The following HPSE2 variants were observed in gnomAD, a reference collection of about 807,000 sequenced individuals.
HPSE2 encodes the protein heparanase 2 (inactive).
Under a neutral mutation model 60.5 loss-of-function variants are expected in HPSE2, and 38 were observed. That is an observed-to-expected ratio of 0.63 (90% CI 0.48 to 0.82). The LOEUF (loss-of-function observed/expected upper bound fraction) is 0.82. HPSE2 is among the 40% of genes least tolerant of loss of function. The pLI is 0.00. For synonymous variants in HPSE2, 295 were observed against 293.2 expected (o/e 1.01, Z -0.06); for missense variants, 713 against 740.4 (o/e 0.96, Z 0.43).
intron 9 of HPSE2, among the ~76,000 whole-genome samples, chr10:98,606,379 T>C (rs1029338228): frequency 6.6e-6 from 1 of 152,236 alleles, no homozygotes; most frequent in African/African-American, 2.4e-5. Context: ...TATCAACACC[T>C]GGGATCCTCT....
chr10:99,193,759 C>G (rs1265742067), intron 2 of HPSE2, among the ~76,000 whole-genome samples: 1 of 151,968 alleles, frequency 6.6e-6, no homozygotes, highest in Non-Finnish European at 1.5e-5. Context: ...ATATAGGCAC[C>G]TAACACTGGA....
chr10:98,465,647 T>C (rs910820970), intron 11 of HPSE2, among the ~76,000 whole-genome samples: 9 of 152,352 alleles, frequency 5.9e-5, no homozygotes, highest in African/African-American at 2.2e-4. Context: ...TTTCATGTTG[T>C]TTCTCCAATT....
At chr10:99,298,559 G>C in the HPSE2 span, among the ~76,000 whole-genome samples, 6 of 152,040 alleles carry the variant, frequency 3.9e-5, no homozygotes, top group African/African-American at 1.4e-4. Context: ...ATAAAAATTA[G>C]CAAATCAACA....
chr10:98,819,644 A>T (rs889933177), intron 3 of HPSE2, among the ~76,000 whole-genome samples: 3 of 152,146 alleles, frequency 2.0e-5, no homozygotes, highest in Admixed American at 2.0e-4. Flanking sequence ...TGACAGTTTA[A>T]TTCTTTTTAA....
Position 99,015,114 on chromosome 10 carries a change from T to G in HPSE2, c.610+129124A>C, listed in dbSNP as rs562291187. On this transcript the variant is annotated intron_variant, in intron 3 of 11. Coordinates refer to ENST00000370552, the MANE Select transcript of HPSE2 (RefSeq NM_021828.5). ...AGAGAAATGCAAATCAAAACCACAATGAGATACCATCTCACACCAGTTAGA... is the reference window on the plus strand; with the variant it reads ...AGAGAAATGCAAATCAAAACCACAAGGAGATACCATCTCACACCAGTTAGA... Among the ~76,000 whole-genome samples the G allele has an allele frequency of 1.8e-3, 275 of 152,004 alleles. 1 individual carries two copies. Among genetic ancestry groups the G allele is most frequent in the African/African-American group, 6.0e-3 (250 of 41,438 alleles).
intron 9 of HPSE2, among the ~76,000 whole-genome samples, chr10:98,534,223 C>T (rs1943213383): frequency 6.6e-6 from 1 of 152,138 alleles, no homozygotes; most frequent in South Asian, 2.1e-4. Context: ...TCTTAAAGTT[C>T]CTTCCCACTT....
intron 3 of HPSE2, among the ~76,000 whole-genome samples, chr10:99,015,022 C>T (rs1208671481): frequency 3.3e-5 from 5 of 152,188 alleles, no homozygotes; most frequent in Non-Finnish European, 7.3e-5. Flanking sequence ...TGAACAGATG[C>T]TTCTCAAAAG....
intron 4 of HPSE2, among the ~76,000 whole-genome samples, chr10:98,737,430 G>GTT (rs1949386159): frequency 7.2e-6 from 1 of 138,200 alleles, no homozygotes; most frequent in Non-Finnish European, 1.6e-5. Context: ...TGGTTAGACA[G>GTT]TGGGTGCAGC....
chr10:98,738,242 T>C (rs971291028), intron 4 of HPSE2, among the ~76,000 whole-genome samples: 1 of 152,234 alleles, frequency 6.6e-6, no homozygotes, highest in African/African-American at 2.4e-5. Flanking sequence ...AAGGATTCCC[T>C]ATTTAATAAA....
chr10:98,725,238 A>G (rs1949040738), intron 4 of HPSE2, among the ~76,000 whole-genome samples: 1 of 152,182 alleles, frequency 6.6e-6, no homozygotes, highest in South Asian at 2.1e-4. Flanking sequence ...ACTTCAAACT[A>G]TACTACTAGG....
chr10:98,465,814 T>C (rs1234268507), intron 11 of HPSE2, among the ~76,000 whole-genome samples: 1 of 152,268 alleles, frequency 6.6e-6, no homozygotes, highest in African/African-American at 2.4e-5. Context: ...TTCCCTAGCT[T>C]GCCTGAACTG....
At chr10:99,138,199 T>G (rs1417255280) in intron 3 of HPSE2, among the ~76,000 whole-genome samples, 4 of 152,186 alleles carry the variant, frequency 2.6e-5, no homozygotes, top group Non-Finnish European at 1.5e-5. Context: ...GGATACCATC[T>G]CACGCCAGTT....
intron 3 of HPSE2, among the ~76,000 whole-genome samples, chr10:98,966,020 A>G (rs1032201566): frequency 3.3e-5 from 5 of 152,018 alleles, no homozygotes; most frequent in Non-Finnish European, 5.9e-5. Flanking sequence ...CCTCCTGAGT[A>G]GCTGGGGTTA....
intron 6 of HPSE2, among the ~76,000 whole-genome samples, chr10:98,689,759 C>T (rs1948026130): frequency 6.6e-6 from 1 of 152,140 alleles, no homozygotes; most frequent in Admixed American, 6.5e-5. Flanking sequence ...GACTGATCTT[C>T]TTGTTCTTGT....
intron 10 of HPSE2, 89 bp from the exon 11 acceptor site, chr10:98,482,871 G>A: frequency 7.2e-7 from 1 of 1,395,594 alleles, no homozygotes. Flanking sequence ...TACAAAATAT[G>A]AACAGCCCTG....
chr10:98,630,483 C>G (rs1946339337), intron 7 of HPSE2, among the ~76,000 whole-genome samples: 1 of 152,134 alleles, frequency 6.6e-6, no homozygotes, highest in African/African-American at 2.4e-5. Context: ...AGGCGTGAGC[C>G]ACCACGCCCG....
chr10:98,814,266 A>G (rs1951235054), intron 3 of HPSE2, among the ~76,000 whole-genome samples: 1 of 152,162 alleles, frequency 6.6e-6, no homozygotes, highest in Non-Finnish European at 1.5e-5. Flanking sequence ...TGACTAATAT[A>G]TTGAAATATA....
intron 3 of HPSE2, among the ~76,000 whole-genome samples, chr10:98,904,174 G>A (rs1953744703): frequency 6.6e-6 from 1 of 152,074 alleles, no homozygotes; most frequent in Non-Finnish European, 1.5e-5. Context: ...AAATTAGTGA[G>A]AATAGAGTTA....
chr10:99,232,642 A>C lies in HPSE2; in HGVS notation c.291-137T>G, dbSNP rs1032545111. On this transcript the variant is annotated intron_variant, in intron 1 of 11. Coordinates refer to ENST00000370552, the MANE Select transcript of HPSE2 (RefSeq NM_021828.5). Reference sequence around the variant, plus strand: ...AGGCTCTGTGCCTGCCCCAGCCGGCAGTCCACGCTGGCCCTTGGCCGCTGC... The same window carrying C: ...AGGCTCTGTGCCTGCCCCAGCCGGCCGTCCACGCTGGCCCTTGGCCGCTGC... The C allele has an allele frequency of 3.9e-6, 4 of 1,017,868 alleles. No homozygotes were observed. In the African/African-American group the frequency reaches 4.8e-5, roughly 12 times the overall value. The allele number at this position is 1,017,868 out of a possible 1,614,324, so 63.1% of individuals were successfully genotyped here.
Sources: allele counts gnomAD v4.1 joint callset (sites outside exome capture counted in the v4.1 genomes callset), GRCh38; gene constraint gnomAD v4.1.1; transcripts MANE v1.5; gene names NCBI Gene and HGNC (gene_info 2026-07-23, HGNC 2026-07-21).